CARMIL1: variants seen among roughly 807,000 people sequenced by gnomAD.
CARMIL1 encodes capping protein regulator and myosin 1 linker 1.
In CARMIL1, 90 loss-of-function variants were observed where a neutral mutation model predicts 177.1. That is an observed-to-expected ratio of 0.51 (90% CI 0.43 to 0.61). The LOEUF (loss-of-function observed/expected upper bound fraction) is 0.61, where lower values mean the gene tolerates loss of function less well. Ranked by LOEUF, CARMIL1 falls within the 20% of genes least tolerant of loss-of-function variation. The pLI, the probability that CARMIL1 is intolerant of heterozygous loss-of-function variation, is 0.00. For missense variants in CARMIL1, 1,380 were observed against 1,667.0 expected, an observed-to-expected ratio of 0.83 and a Z score of 3.00; for synonymous variants, 577 against 606.2, an observed-to-expected ratio of 0.95 and a Z score of 0.71.
chr6:25,521,307 C>T (rs1308182792), intron 23 of CARMIL1, among the ~76,000 whole-genome samples: 1 of 152,152 alleles, frequency 6.6e-6, no homozygotes, highest in Non-Finnish European at 1.5e-5. Context: ...AGTGCATGTG[C>T]AGTGGGTAAA....
intron 8 of CARMIL1, among the ~76,000 whole-genome samples, chr6:25,454,191 C>T (rs1352213130): frequency 6.6e-6 from 1 of 152,158 alleles, no homozygotes; most frequent in Non-Finnish European, 1.5e-5. Flanking sequence ...ACTTTTCTTG[C>T]TTAATTAAGG....
chr6:25,309,086 C>A (rs1057412328), intron 2 of CARMIL1, among the ~76,000 whole-genome samples: 9 of 152,180 alleles, frequency 5.9e-5, no homozygotes, highest in Non-Finnish European at 1.3e-4. Context: ...CAGGGTCTCA[C>A]TATGTTGCCC....
At chr6:25,593,181 A>G (rs929825525) in intron 31 of CARMIL1, among the ~76,000 whole-genome samples, 1 of 152,188 alleles carries the variant, frequency 6.6e-6, no homozygotes, top group African/African-American at 2.4e-5. Context: ...AACTTTGACC[A>G]TATCTTGGGC....
chr6:25,519,345 G>T (rs1806318952), intron 22 of CARMIL1, among the ~76,000 whole-genome samples: 1 of 152,194 alleles, frequency 6.6e-6, no homozygotes, highest in African/African-American at 2.4e-5. Context: ...ATGCATTTTG[G>T]GGTGGAGGAC....
chr6:25,560,304 A>T (rs1325513094), intron 29 of CARMIL1, among the ~76,000 whole-genome samples: 1 of 152,202 alleles, frequency 6.6e-6, no homozygotes, highest in Non-Finnish European at 1.5e-5. Context: ...ACTAAGAGGT[A>T]ATCTAGTTCA....
intron 35 of CARMIL1, 135 bp from the exon 36 acceptor site, chr6:25,609,915 T>C: frequency 9.8e-7 from 1 of 1,022,598 alleles, no homozygotes. Context: ...AACACAAAAC[T>C]AATTTTTGGC....
intron 26 of CARMIL1, among the ~76,000 whole-genome samples, chr6:25,542,425 C>T (rs1480094624): frequency 6.6e-6 from 1 of 152,096 alleles, no homozygotes; most frequent in African/African-American, 2.4e-5. Flanking sequence ...ACCTTGATTT[C>T]TCTGACCCCT....
intron 29 of CARMIL1, among the ~76,000 whole-genome samples, chr6:25,569,232 C>T (rs1562294653): frequency 6.6e-6 from 1 of 152,198 alleles, no homozygotes; most frequent in Non-Finnish European, 1.5e-5. Context: ...TTGAGAATCT[C>T]TCTTTAGAAT....
intron 33 of CARMIL1, among the ~76,000 whole-genome samples, chr6:25,604,264 G>A (rs1815717612): frequency 1.3e-5 from 2 of 152,040 alleles, no homozygotes; most frequent in Non-Finnish European, 2.9e-5. Context: ...TTTTTGCAGA[G>A]ATGGGGGGTC....
intron 2 of CARMIL1, among the ~76,000 whole-genome samples, chr6:25,359,155 G>A (rs1788933030): frequency 6.6e-6 from 1 of 152,084 alleles, no homozygotes; most frequent in Non-Finnish European, 1.5e-5. Context: ...TTCTCTGTTG[G>A]GCAGAAGTCT....
At chr6:25,507,745 G>A (rs995277461) in intron 17 of CARMIL1, among the ~76,000 whole-genome samples, 31 of 125,710 alleles carry the variant, frequency 2.5e-4, no homozygotes, top group African/African-American at 8.9e-4. Context: ...CAGCAAATAT[G>A]AAATTGTGAA....
intron 2 of CARMIL1, among the ~76,000 whole-genome samples, chr6:25,293,308 TGTAGCA>T (rs1454571609): frequency 5.6e-5 from 4 of 72,024 alleles, no homozygotes; most frequent in Non-Finnish European, 1.5e-4. Context: ...GTGTGTGTTT[TGTAGCA>T]GTAGTAGTAG....
At chr6:25,420,517 G>A (rs576784648) in intron 3 of CARMIL1, 5 of 191,642 alleles carry the variant, frequency 2.6e-5, no homozygotes, top group Non-Finnish European at 4.2e-5. Context: ...CTCTCAACTG[G>A]GGCTTGATTT....
intron 2 of CARMIL1, among the ~76,000 whole-genome samples, chr6:25,349,466 C>A (rs1323186006): frequency 6.6e-6 from 1 of 152,206 alleles, no homozygotes; most frequent in Admixed American, 6.5e-5. Flanking sequence ...GGGAGACATT[C>A]TGATCCAGGG....
In CARMIL1 at chr6:25,515,533, C is replaced by A; in HGVS notation, c.1633-142C>A. 2 of 693,400 alleles carry A rather than the reference C, an allele frequency of 2.9e-6. No individual in the cohort carries two copies. Among genetic ancestry groups the A allele is most frequent in the South Asian group, 2.9e-5 (1 of 34,162 alleles). 43.0% of individuals were successfully genotyped at this position (693,400 alleles called of 1,614,324 possible). On this transcript the variant is annotated intron_variant, in intron 20 of 36. Transcript: ENST00000329474. The surrounding 1 kb of genome is among the most constrained non-coding windows in gnomAD (Gnocchi z 5.0). ...TTGTGCCAGAACCTTAAGTTTCTAT[C>A]CACGAGTGTCTTTTAGGTAGTAGTT...
At chr6:25,435,719 C>T (rs1797165401) in intron 5 of CARMIL1, 115 bp downstream of exon 5, 13 of 1,220,526 alleles carry the variant, frequency 1.1e-5, no homozygotes, top group Non-Finnish European at 1.4e-5. Context: ...AGACTTCCTT[C>T]TCCTCTTAAA....
At chr6:25,427,962 G>T (rs542096845) in intron 4 of CARMIL1, among the ~76,000 whole-genome samples, 115 of 152,214 alleles carry the variant, frequency 7.6e-4, no homozygotes, top group Non-Finnish European at 1.2e-3. Flanking sequence ...TCTCAGTCTG[G>T]TGGCTTGTCT....
At position 25,284,897 on chromosome 6, in the gene CARMIL1, AAAC is replaced by A. The variant is rs2150128175; in HGVS notation, c.129_131del (p.Asn43del). ...TGGAAGTTAAGGGAGACAAAGTTGA[AAAC>A]AAAGTGCTGGTAAGTATTGCTGTTT... On this transcript the variant is annotated inframe_deletion, in exon 2 of 37. Coordinates refer to ENST00000329474, the MANE Select transcript of CARMIL1 (RefSeq NM_017640.6). 1.3e-6 allele frequency: 2 copies of A among 1,557,770 alleles called. No homozygotes were observed. The highest frequency in any genetic ancestry group is 4.7e-5 in the East Asian group (2 of 42,558).
At position 25,515,351 on chromosome 6, in the gene CARMIL1, G is replaced by C. The variant is rs563508061; in HGVS notation, c.1633-324G>C. Among the ~76,000 whole-genome samples, 1 of 120,430 alleles carries C rather than the reference G, an allele frequency of 8.3e-6. No homozygotes were observed. The highest frequency in any genetic ancestry group is 1.8e-5 in the Non-Finnish European group (1 of 55,742). The allele number at this position is 120,430 out of a possible 152,430, so 79.0% of individuals were successfully genotyped here. ...ATAAAGGGTGATCATATTAAGCTGAGAAATTTTTGTTATGTTTTTATTTAT... is the reference window on the plus strand; with the variant it reads ...ATAAAGGGTGATCATATTAAGCTGACAAATTTTTGTTATGTTTTTATTTAT... On this transcript the variant is annotated intron_variant, in intron 20 of 36. Transcript: ENST00000329474. The surrounding 1 kb of genome is among the most constrained non-coding windows in gnomAD (Gnocchi z 5.0).
Sources: allele counts gnomAD v4.1 joint callset (sites outside exome capture counted in the v4.1 genomes callset), GRCh38; gene constraint gnomAD v4.1.1; non-coding constraint Gnocchi (gnomAD v3.1); transcripts MANE v1.5; gene names NCBI Gene and HGNC (gene_info 2026-07-23, HGNC 2026-07-21).